Variants in RBPMS observed in about 807,000 individuals in gnomAD.
The protein encoded by RBPMS is RNA-binding protein with multiple splicing.
In RBPMS, 7 loss-of-function variants were observed where a neutral mutation model predicts 26.8. The observed-to-expected ratio is 0.26, with a 90% CI of 0.15 to 0.49. RBPMS has a LOEUF of 0.49. Ranked by LOEUF, RBPMS falls within the 20% of genes least tolerant of loss-of-function variation. RBPMS has a pLI of 0.98. For synonymous variants in RBPMS, 96 were observed against 93.3 expected, an observed-to-expected ratio of 1.03 and a Z score of -0.17; for missense variants, 186 against 250.0, an observed-to-expected ratio of 0.74 and a Z score of 1.73.
At chr8:30,422,897 T>C (rs1810958029) in intron 1 of RBPMS, among the ~76,000 whole-genome samples, 1 of 152,224 alleles carries the variant, frequency 6.6e-6, no homozygotes, top group African/African-American at 2.4e-5. Context: ...TCAATAAATA[T>C]TTCTTTTTAT....
At chr8:30,477,637 G>GTGTGCACATGCACATGCA (rs1378436504) in intron 2 of RBPMS, among the ~76,000 whole-genome samples, 162 bp from the exon 3 acceptor site, 1 of 152,164 alleles carries the variant, frequency 6.6e-6, no homozygotes, top group Non-Finnish European at 1.5e-5. Flanking sequence ...GTGTGTGTGT[G>GTGTGCACATGCACATGCA]TGTGTGCACA....
chr8:30,569,982 G>A lies in RBPMS; in HGVS notation c.*112-655G>A, dbSNP rs187680669. ...GCTCTGCCTGGCTTGCCCCTGCTCCGCCGGCCGTTACCCGCTACCCACTCA... is the reference window on the plus strand; with the variant it reads ...GCTCTGCCTGGCTTGCCCCTGCTCCACCGGCCGTTACCCGCTACCCACTCA... On this transcript the variant is annotated intron_variant, in intron 8 of 8. Transcript: ENST00000397323. 1.4e-4 allele frequency among the ~76,000 whole-genome samples: 22 copies of A among 152,274 alleles called. No homozygotes were observed. In the East Asian group the frequency reaches 3.1e-3, roughly 21 times the overall value.
rs183119324 is a variant in RBPMS, at chr8:30,467,709, G to T, written c.67-7070G>T. ...AATTGAAATGTGAAGCAAGTTACAT[G>T]AATATATTTTTGCCAGATCAAGCTT... is the stretch of plus-strand genomic sequence containing the variant. On this transcript the variant is annotated intron_variant, in intron 1 of 8. Transcript: ENST00000397323. Among the ~76,000 whole-genome samples the T allele has an allele frequency of 4.1e-3, 627 of 152,300 alleles. 12 individuals carry two copies. The highest frequency in any genetic ancestry group is 0.02 in the Middle Eastern group (6 of 294).
chr8:30,555,899 A>G (rs1480601338), intron 6 of RBPMS: 1 of 985,286 alleles, frequency 1.0e-6, no homozygotes, highest in Admixed American at 6.1e-5. Flanking sequence ...AGCGCGGAGC[A>G]GCTTGTTCCC....
intron 1 of RBPMS, among the ~76,000 whole-genome samples, chr8:30,444,395 G>A (rs776740754): frequency 2.5e-4 from 38 of 152,132 alleles, no homozygotes; most frequent in Admixed American, 8.5e-4. Flanking sequence ...AGTTTGCACC[G>A]CCCTTCTCCC....
intron 8 of RBPMS, among the ~76,000 whole-genome samples, chr8:30,567,917 T>C (rs924461920): frequency 1.7e-4 from 26 of 152,242 alleles, no homozygotes; most frequent in East Asian, 1.2e-3. Context: ...AGCAGCGAGT[T>C]TGGAGGGGGC....
At chr8:30,484,973 G>A (rs532317358) in intron 4 of RBPMS, among the ~76,000 whole-genome samples, 3 of 152,258 alleles carry the variant, frequency 2.0e-5, no homozygotes, top group South Asian at 4.1e-4. Flanking sequence ...GTGAGATGGA[G>A]GTATTATTTA....
chr8:30,489,690 G>T (rs1448599453), intron 4 of RBPMS, among the ~76,000 whole-genome samples: 1 of 152,106 alleles, frequency 6.6e-6, no homozygotes, highest in East Asian at 1.9e-4. Context: ...TGTTCTGCCC[G>T]CCTCGGCCTC....
At chr8:30,509,456 C>G (rs921686254) in intron 5 of RBPMS, among the ~76,000 whole-genome samples, 5 of 152,154 alleles carry the variant, frequency 3.3e-5, no homozygotes, top group African/African-American at 1.2e-4. Context: ...CTGAAGAGAC[C>G]CTGTGAAGGT....
intron 5 of RBPMS, among the ~76,000 whole-genome samples, chr8:30,507,774 G>T (rs1821217149): frequency 6.6e-6 from 1 of 152,216 alleles, no homozygotes; most frequent in Admixed American, 6.5e-5. Context: ...TGCTTTGGAG[G>T]TGAAGAAAGA....
chr8:30,543,494 C>A (rs1201041141), intron 5 of RBPMS, among the ~76,000 whole-genome samples: 2 of 152,206 alleles, frequency 1.3e-5, no homozygotes, highest in Non-Finnish European at 2.9e-5. Flanking sequence ...TCTATCAAAT[C>A]ACCTTTTGCT....
At chr8:30,420,492 A>C (rs1471591387) in intron 1 of RBPMS, among the ~76,000 whole-genome samples, 1 of 152,208 alleles carries the variant, frequency 6.6e-6, no homozygotes, top group Non-Finnish European at 1.5e-5. Context: ...TATTGTAGTT[A>C]AAAGAGACAA....
intron 1 of RBPMS, among the ~76,000 whole-genome samples, chr8:30,470,212 C>T (rs1181793041): frequency 6.6e-6 from 1 of 151,980 alleles, no homozygotes; most frequent in Non-Finnish European, 1.5e-5. Flanking sequence ...GGTGAAACCC[C>T]ATCTCTACTA....
At chr8:30,530,742 G>A (rs1296241236) in intron 5 of RBPMS, among the ~76,000 whole-genome samples, 4 of 152,086 alleles carry the variant, frequency 2.6e-5, no homozygotes, top group African/African-American at 7.2e-5. Context: ...GATTACAGGC[G>A]TGAGCCACCA....
chr8:30,555,751 G>A (rs1826821000), intron 6 of RBPMS: 7 of 392,630 alleles, frequency 1.8e-5, no homozygotes, highest in Non-Finnish European at 2.4e-5. Flanking sequence ...GGGAACTGTA[G>A]GTTTCCCCGT....
intron 1 of RBPMS, among the ~76,000 whole-genome samples, chr8:30,459,874 A>G (rs1312944781): frequency 1.3e-5 from 2 of 152,182 alleles, no homozygotes; most frequent in Non-Finnish European, 2.9e-5. Context: ...CTCAACCACA[A>G]ACCTCGCCCT....
Position 30,384,638 on chromosome 8 carries a change from C to A in RBPMS, c.-455C>A. On this transcript the variant is annotated 5_prime_UTR_variant, in exon 1 of 9. Transcript: ENST00000397323. This position sits in a 1 kb window ranked among gnomAD's most constrained non-coding sequence, Gnocchi z 5.6. ...CCCGCTCCTCCTCCTCCTCTTCCTCCTCCTCCTCCTCTCTAGGCACCCCCG... is the reference window on the plus strand; with the variant it reads ...CCCGCTCCTCCTCCTCCTCTTCCTCATCCTCCTCCTCTCTAGGCACCCCCG... The A allele has an allele frequency of 6.2e-6, 1 of 160,282 alleles. No homozygotes were observed. Among genetic ancestry groups the A allele is most frequent in the South Asian group, 1.8e-4 (1 of 5,424 alleles). The allele number at this position is 160,282 out of a possible 1,614,324, so 9.9% of individuals were successfully genotyped here.
rs1828222564 is a variant in RBPMS at position 30,570,844 on chromosome 8, A to G, written c.*319A>G. 1 of 152,482 alleles carries G rather than the reference A, an allele frequency of 6.6e-6. No individual in the cohort carries two copies. Among genetic ancestry groups the G allele is most frequent in the African/African-American group, 2.4e-5 (1 of 41,466 alleles). 9.4% of individuals were successfully genotyped at this position (152,482 alleles called of 1,614,324 possible). A position where few individuals can be genotyped will look rare whatever the true frequency, so the allele number is the denominator to read the frequency against. On this transcript the variant is annotated 3_prime_UTR_variant, in exon 9 of 9. Transcript: ENST00000397323. ...GAGATATTTTCAAACGAAACGTAAG[A>G]GAAGTCAACAATAAAACCAAGAAAA...
chr8:30,563,765 A>G (rs1361665994), intron 7 of RBPMS, among the ~76,000 whole-genome samples: 1 of 152,130 alleles, frequency 6.6e-6, no homozygotes, highest in Non-Finnish European at 1.5e-5. Context: ...AGAGCTTAAC[A>G]AGGAGGAAAG....
Sources: allele counts gnomAD v4.1 joint callset (sites outside exome capture counted in the v4.1 genomes callset), GRCh38; gene constraint gnomAD v4.1.1; non-coding constraint Gnocchi (gnomAD v3.1); transcripts MANE v1.5; gene names NCBI Gene and HGNC (gene_info 2026-07-23, HGNC 2026-07-21).